NBPF15: variants seen among roughly 807,000 people sequenced by gnomAD.
NBPF15 encodes the protein NBPF member 15, also known as NBPF family member NBPF15.
Under a neutral mutation model 62.2 loss-of-function variants are expected in NBPF15, and 74 were observed. The observed-to-expected ratio is 1.19, with a 90% confidence interval of 0.99 to 1.44. The LOEUF is 1.44. Among genes scored for constraint, NBPF15 ranks in the 40% most tolerant of loss-of-function variants. The probability of loss-of-function intolerance (pLI) is 0.00; values close to 1 mark genes in which losing one functional copy is unlikely to be tolerated. For synonymous variants in NBPF15, 244 were observed against 209.7 expected (o/e 1.16, Z -1.41); for missense variants, 790 against 550.0 (o/e 1.44, Z -4.36).
intron 4 of NBPF15, among the ~76,000 whole-genome samples, chr1:144,455,380 A>G (rs1693829025): frequency 6.6e-6 from 1 of 152,044 alleles, no homozygotes; most frequent in Non-Finnish European, 1.5e-5. Flanking sequence ...TAACAGGAAC[A>G]CGCTAACTAG....
chr1:144,458,510 T>C (rs200275933), intron 3 of NBPF15, among the ~76,000 whole-genome samples: 5 of 150,820 alleles, frequency 3.3e-5, no homozygotes, highest in Admixed American at 6.6e-5. Flanking sequence ...ATCTGCTCTA[T>C]GCACTTATTT....
intron 13 of NBPF15, among the ~76,000 whole-genome samples, chr1:144,432,549 G>T: frequency 6.6e-6 from 1 of 152,012 alleles, no homozygotes; most frequent in Middle Eastern, 3.4e-3. Context: ...TCAGTGTGCT[G>T]TACTCAGGAA....
intron 6 of NBPF15, among the ~76,000 whole-genome samples, chr1:144,443,324 C>T (rs1184758173): frequency 1.3e-5 from 2 of 151,950 alleles, no homozygotes; most frequent in Admixed American, 6.6e-5. Context: ...TTTATGAATA[C>T]TTACACCATT....
intron 3 of NBPF15, among the ~76,000 whole-genome samples, chr1:144,458,273 AG>A (rs1649693000): frequency 6.6e-6 from 1 of 152,008 alleles, no homozygotes; most frequent in African/African-American, 2.4e-5. Flanking sequence ...CTTGACAGGA[AG>A]ATTGTAAAAA....
intron 6 of NBPF15, 93 bp from the exon 7 acceptor site, chr1:144,440,388 C>T (rs1443097248): frequency 2.9e-6 from 2 of 682,916 alleles, no homozygotes; most frequent in African/African-American, 3.7e-5. Context: ...GAAACACAGG[C>T]ACCCTAGTCT....
chr1:144,425,445 C>T lies in NBPF15; in HGVS notation c.1490+72G>A, dbSNP rs1276578677. The T allele has an allele frequency of 6.2e-5, 20 of 322,168 alleles. No individual in the cohort carries two copies. The East Asian group carries it at 7.6e-4, about 12-fold the overall frequency. 20.0% of individuals were successfully genotyped at this position (322,168 alleles called of 1,614,324 possible). A position where few individuals can be genotyped will look rare whatever the true frequency, so the allele number is the denominator to read the frequency against. On this transcript the variant is annotated intron_variant, in intron 19 of 21. Transcript: ENST00000581897. ...AAAGATGTAATCGATAATGTCAGCC[C>T]GCTCTGTTTTCCCTGAACCAGGAGT...
chr1:144,449,818 ATCATT>A (rs1689984132), intron 5 of NBPF15, among the ~76,000 whole-genome samples: 1 of 151,652 alleles, frequency 6.6e-6, no homozygotes, highest in African/African-American at 2.4e-5. Context: ...TGTCTGTCCC[ATCATT>A]TCACATTAGG....
rs1376264971 is a variant in NBPF15 at position 144,422,784 on chromosome 1, C to T, written c.*229G>A. ...AAATTAAAATGTCTGACTGATCACTCCCGGCATGTTCTGCACAGTTATGTG... is the reference window on the plus strand; with the variant it reads ...AAATTAAAATGTCTGACTGATCACTTCCGGCATGTTCTGCACAGTTATGTG... On this transcript the variant is annotated 3_prime_UTR_variant, in exon 22 of 22. Coordinates refer to ENST00000581897, the MANE Select transcript of NBPF15 (RefSeq NM_001385408.1). 1 of 1,066,960 alleles carries T rather than the reference C, an allele frequency of 9.4e-7. No homozygotes were observed. Among genetic ancestry groups the T allele is most frequent in the African/African-American group, 1.7e-5 (1 of 60,458 alleles). The allele number at this position is 1,066,960 out of a possible 1,614,324, so 66.1% of individuals were successfully genotyped here. A position where few individuals can be genotyped will look rare whatever the true frequency, so the allele number is the denominator to read the frequency against.
intron 8 of NBPF15, 64 bp downstream of exon 8, chr1:144,439,765 G>A: frequency 8.2e-7 from 1 of 1,214,350 alleles, no homozygotes. Flanking sequence ...AGAGCATTTA[G>A]TGTCTCAGAG....
At chr1:144,442,418 TTATATA>T (rs1347744394) in intron 6 of NBPF15, among the ~76,000 whole-genome samples, 1 of 141,962 alleles carries the variant, frequency 7.0e-6, no homozygotes, top group Non-Finnish European at 1.5e-5. Flanking sequence ...TGTATATATA[TTATATA>T]TATATATTTT....
At chr1:144,438,344 G>C (rs868981547) in intron 8 of NBPF15, among the ~76,000 whole-genome samples, 1 of 151,170 alleles carries the variant, frequency 6.6e-6, no homozygotes, top group Non-Finnish European at 1.5e-5. Context: ...CTCTGAATGC[G>C]GGGCCACTTT....
intron 6 of NBPF15, among the ~76,000 whole-genome samples, chr1:144,446,013 G>A (rs587672508): frequency 8.1e-5 from 12 of 147,974 alleles, no homozygotes; most frequent in South Asian, 2.2e-4. Flanking sequence ...ATGCCACCAT[G>A]CCTAGCTAAT....
intron 6 of NBPF15, among the ~76,000 whole-genome samples, chr1:144,445,170 G>T (rs1571147868): frequency 6.7e-6 from 1 of 150,010 alleles, no homozygotes; most frequent in African/African-American, 2.5e-5. Context: ...CTTTTCTGAA[G>T]TATCTATTCA....
intron 4 of NBPF15, among the ~76,000 whole-genome samples, chr1:144,451,449 G>A (rs1352105887): frequency 2.3e-4 from 35 of 151,096 alleles, no homozygotes; most frequent in Admixed American, 2.2e-3. Context: ...GACCCTTTAC[G>A]GGTGTCGGGC....
intron 6 of NBPF15, among the ~76,000 whole-genome samples, chr1:144,443,667 G>T (rs1260354175): frequency 6.6e-6 from 1 of 151,592 alleles, no homozygotes; most frequent in Non-Finnish European, 1.5e-5. Context: ...AATGATTCTG[G>T]CTATTAATCT....
At chr1:144,424,048 C>T (rs2101550971) in intron 20 of NBPF15, 73 bp from the exon 21 acceptor site, 1 of 759,272 alleles carries the variant, frequency 1.3e-6, no homozygotes, top group Non-Finnish European at 2.4e-6. Flanking sequence ...ACTGTCTAAT[C>T]CTCACACAGG....
intron 17 of NBPF15, among the ~76,000 whole-genome samples, chr1:144,426,836 G>C (rs1213716376): frequency 6.7e-6 from 1 of 149,262 alleles, no homozygotes; most frequent in South Asian, 2.2e-4. Flanking sequence ...CAGCCTTTGA[G>C]GTATGGTCAA....
At chr1:144,425,780 T>C (rs1227075521) in intron 18 of NBPF15, among the ~76,000 whole-genome samples, 5 of 8,216 alleles carry the variant, frequency 6.1e-4, no homozygotes, top group African/African-American at 2.9e-3. Flanking sequence ...TTCTGGTAGA[T>C]CGTTATCCCA....
chr1:144,442,147 A>ATATATACACGTGTATATATATAAT (rs1553542823), intron 6 of NBPF15, among the ~76,000 whole-genome samples: 125 of 7,408 alleles, frequency 0.017, 8 homozygotes, highest in African/African-American at 0.037. Context: ...ATATATATAT[A>ATATATACACGTGTATATATATAAT]ATATATATAC....
Sources: allele counts gnomAD v4.1 joint callset (sites outside exome capture counted in the v4.1 genomes callset), GRCh38; gene constraint gnomAD v4.1.1; transcripts MANE v1.5; gene names NCBI Gene and HGNC (gene_info 2026-07-23, HGNC 2026-07-21).